Variants in SART3 observed in about 807,000 individuals in gnomAD.
SART3 encodes the protein HIV-1 Tat-interacting protein of 110kDa.
Under a neutral mutation model 122.3 loss-of-function variants are expected in SART3, and 44 were observed. The ratio of observed to expected loss-of-function variants is 0.36; its 90% CI spans 0.28 to 0.46. The LOEUF (loss-of-function observed/expected upper bound fraction) is 0.46, where lower values mean the gene tolerates loss of function less well. Among genes scored for constraint, SART3 ranks in the 20% least tolerant of loss-of-function variants. The pLI is 1.00. For missense variants in SART3, 1,101 were observed against 1,229.0 expected, an observed-to-expected ratio of 0.90 and a Z score of 1.56; for synonymous variants, 442 against 454.0, an observed-to-expected ratio of 0.97 and a Z score of 0.34.
intron 1 of SART3, among the ~76,000 whole-genome samples, chr12:108,558,605 G>T (rs2030329795): frequency 6.6e-6 from 1 of 152,112 alleles, no homozygotes. Context: ...CACAGAATAG[G>T]CTCATCGAAA....
chr12:108,533,830 A>G (rs914495159), intron 12 of SART3, among the ~76,000 whole-genome samples: 1 of 152,264 alleles, frequency 6.6e-6, no homozygotes, highest in Non-Finnish European at 1.5e-5. Flanking sequence ...GTAAAAGATA[A>G]AATAGACAAA....
intron 2 of SART3, among the ~76,000 whole-genome samples, chr12:108,548,686 C>A (rs752522671): frequency 3.9e-5 from 6 of 152,102 alleles, no homozygotes; most frequent in Admixed American, 6.5e-5. Context: ...AACCTAAATG[C>A]CCAACTATTC....
At chr12:108,542,708 G>A (rs888555) in intron 6 of SART3, 81,156 of 400,444 alleles carry the variant, frequency 0.2, 9,428 homozygotes, top group Admixed American at 0.36. Flanking sequence ...TACTTTCATA[G>A]CTTGTAAAAC....
At chr12:108,559,913 T>G (rs187794828) in intron 1 of SART3, among the ~76,000 whole-genome samples, 72 of 152,310 alleles carry the variant, frequency 4.7e-4, no homozygotes, top group African/African-American at 1.7e-3. Flanking sequence ...AAACTGGGGC[T>G]GCTTCCCTTG....
chr12:108,549,330 A>T, intron 1 of SART3, 116 bp from the exon 2 acceptor site: 1 of 1,164,574 alleles, frequency 8.6e-7, no homozygotes, highest in African/African-American at 1.5e-5. Flanking sequence ...GTGCTATCTG[A>T]GAAAACCACT....
At chr12:108,545,041 C>T (rs771544373) in intron 4 of SART3, 98 bp downstream of exon 4, 67 of 1,231,926 alleles carry the variant, frequency 5.4e-5, no homozygotes, top group Non-Finnish European at 7.0e-5. Context: ...ACTATATGAA[C>T]TGCAAGATTC....
At chr12:108,550,793 C>T (rs1592773755) in intron 1 of SART3, among the ~76,000 whole-genome samples, 1 of 151,972 alleles carries the variant, frequency 6.6e-6, no homozygotes, top group South Asian at 2.1e-4. Flanking sequence ...ACCCGGGAGG[C>T]GGAGGTTGCA....
At chr12:108,533,146 A>T (rs528231225) in intron 12 of SART3, among the ~76,000 whole-genome samples, 56 of 152,264 alleles carry the variant, frequency 3.7e-4, no homozygotes, top group African/African-American at 1.3e-3. Flanking sequence ...TCAAAGTAAG[A>T]TCCACGTACC....
At chr12:108,539,673 A>G (rs973021919) in intron 6 of SART3, among the ~76,000 whole-genome samples, 1 of 152,248 alleles carries the variant, frequency 6.6e-6, no homozygotes, top group Non-Finnish European at 1.5e-5. Context: ...TGGCCATGAC[A>G]TAATTGAATG....
At position 108,537,066 on chromosome 12, in the gene SART3, A is replaced by G. The variant is rs549988330; in HGVS notation, c.1310-281T>C. ...ACACAGGCAAACAAGAGAATGGCTA[A>G]AGGCTACCTGTATGAGGTGACAGCT... On this transcript the variant is annotated intron_variant, in intron 9 of 18. Transcript: ENST00000546815. 4 of 482,904 alleles carry G rather than the reference A, an allele frequency of 8.3e-6. No individual in the cohort carries two copies. The East Asian group carries it at 1.6e-4, about 19-fold the overall frequency. 29.9% of individuals were successfully genotyped at this position (482,904 alleles called of 1,614,324 possible).
At chr12:108,537,354 T>C in intron 9 of SART3, 134 bp downstream of exon 9, 1 of 704,816 alleles carries the variant, frequency 1.4e-6, no homozygotes, top group South Asian at 1.5e-5. Context: ...CTAAGATTTC[T>C]GGGGGAAAAA....
In SART3 at chr12:108,537,737, T is replaced by C. The variant is rs529378685; in HGVS notation, c.1202-142A>G. 4.4e-3 allele frequency: 3,304 copies of C among 757,768 alleles called. 9 individuals are homozygous for C. Among genetic ancestry groups the C allele is most frequent in the Non-Finnish European group, 6.1e-3 (2,666 of 437,192 alleles). The allele number at this position is 757,768 out of a possible 1,614,324, so 46.9% of individuals were successfully genotyped here. On this transcript the variant is annotated intron_variant, in intron 8 of 18. Transcript: ENST00000546815. ...GAATGAAATGAGCTAGACAGGAATG[T>C]TGAAGACAGAAGTTGCTACAGCACT...
intron 15 of SART3, 70 bp downstream of exon 15, chr12:108,530,072 C>A (rs1872593718): frequency 6.4e-7 from 1 of 1,558,830 alleles, no homozygotes; most frequent in South Asian, 1.1e-5. Flanking sequence ...GAAGAAAGTT[C>A]TTCATACTGT....
At chr12:108,555,695 G>A (rs1380912068) in intron 1 of SART3, among the ~76,000 whole-genome samples, 2 of 152,118 alleles carry the variant, frequency 1.3e-5, no homozygotes, top group African/African-American at 2.4e-5. Flanking sequence ...ATACCTAGAC[G>A]AATGGAGTTA....
chr12:108,545,362 A>T (rs1310003912), intron 3 of SART3, 39 bp from the exon 4 acceptor site: 1 of 1,594,292 alleles, frequency 6.3e-7, no homozygotes. Flanking sequence ...GGGATATAAA[A>T]TACCCAAATA....
chr12:108,531,863 G>A (rs1423786609), intron 13 of SART3: 4 of 341,000 alleles, frequency 1.2e-5, no homozygotes, highest in African/African-American at 6.4e-5. Flanking sequence ...AGAGACATTT[G>A]GCAATGTTAA....
intron 9 of SART3, 104 bp downstream of exon 9, chr12:108,537,384 C>A: frequency 1.2e-6 from 1 of 837,586 alleles, no homozygotes; most frequent in Admixed American, 1.9e-5. Context: ...ACCTAGTCTA[C>A]ATCATTTGCC....
In SART3 at chr12:108,539,056, G is replaced by C; in HGVS notation, c.940C>G (p.Gln314Glu). ...TTCATCTCAAAATCGATATATGCTT[G>C]ATATTCTGCCAGCCTTGGTGCCTCT... is the stretch of plus-strand genomic sequence containing the variant. ...QAEAPRLAEY[Q>E]AYIDFEMKIG... Residue 314 changes from glutamine to glutamate, a missense_variant, in exon 7 of 19, where the codon CAA becomes GAA. Physicochemically the swap from Gln to Glu is conservative, Grantham distance 29. Around this residue, in one of 2 missense-constraint regions of SART3, gnomAD observed 885 missense variants for 1,080.1 expected, o/e 0.82. Transcript: ENST00000546815. 1 of 1,614,190 alleles carries C rather than the reference G, an allele frequency of 6.2e-7. No homozygotes were observed. The highest frequency in any genetic ancestry group is 8.5e-7 in the Non-Finnish European group (1 of 1,180,040).
intron 1 of SART3, chr12:108,554,066 A>G (rs933196828): frequency 1.5e-4 from 23 of 151,992 alleles, no homozygotes; most frequent in African/African-American, 5.1e-4. Context: ...AGGATCTCTC[A>G]CCTTCTCTCT....
Sources: allele counts gnomAD v4.1 joint callset (sites outside exome capture counted in the v4.1 genomes callset), GRCh38; gene constraint gnomAD v4.1.1; regional missense constraint gnomAD v4.1.1; transcripts MANE v1.5; gene names NCBI Gene and HGNC (gene_info 2026-07-23, HGNC 2026-07-21).